The following ZNF69 variants were observed in gnomAD, a reference collection of about 807,000 sequenced individuals.
The protein encoded by ZNF69 is ZNF3.
ZNF69 carries 47 observed loss-of-function variants against 50.9 expected under a neutral mutation model. The observed-to-expected ratio is 0.92, with a 90% confidence interval of 0.73 to 1.18. The LOEUF is 1.18. ZNF69 is among the 50% of genes most tolerant of loss of function. ZNF69 has a pLI of 0.00. For missense variants in ZNF69, 717 were observed against 675.1 expected (o/e 1.06, Z -0.69); for synonymous variants, 216 against 223.1 (o/e 0.97, Z 0.29).
chr19:11,921,537 CTG>C, the ZNF69 span, among the ~76,000 whole-genome samples: 5 of 152,044 alleles, frequency 3.3e-5, no homozygotes, highest in Non-Finnish European at 7.4e-5. Context: ...GAGTCTCACT[CTG>C]TCATCCAGGC....
At chr19:11,948,593 G>T in the ZNF69 span, 1 of 1,608,192 alleles carries the variant, frequency 6.2e-7, no homozygotes. Flanking sequence ...GATCACACTG[G>T]AGAGAAACCC....
Position 11,906,074 on chromosome 19 carries a change from T to A in ZNF69, c.1677T>A (p.Asp559Glu), listed in dbSNP as rs111673228. ...LRMHGRTHPE[D>E]KPYECKQ ...TGCATGGTAGGACTCACCCTGAAGA[T>A]AAACCCTATGAGTGTAAGCAATGAG... Residue 559 changes from aspartate (D) to glutamate (E), a missense_variant, in exon 4 of 4, where the codon GAT becomes GAA. Asp to Glu is a conservative substitution (Grantham distance 45). Transcript: ENST00000429654. 48 of 1,611,644 alleles carry A rather than the reference T, an allele frequency of 3.0e-5. No individual in the cohort carries two copies. Among genetic ancestry groups the A allele is most frequent in the Non-Finnish European group, 4.1e-5 (48 of 1,179,196 alleles).
chr19:11,948,817 C>T, the ZNF69 span: 1 of 1,608,302 alleles, frequency 6.2e-7, no homozygotes, highest in Non-Finnish European at 8.5e-7. Flanking sequence ...TTCTGCTACC[C>T]TTCAAATACA....
the ZNF69 span, among the ~76,000 whole-genome samples, chr19:11,929,295 T>C: frequency 1.8e-3 from 273 of 148,122 alleles, 37 homozygotes; most frequent in African/African-American, 6.8e-3. Context: ...TCCCAAGTAG[T>C]TGGGATTACA....
At chr19:11,963,074 TGA>T in the ZNF69 span, among the ~76,000 whole-genome samples, 6 of 134,428 alleles carry the variant, frequency 4.5e-5, no homozygotes, top group Non-Finnish European at 7.6e-5. Context: ...GGTAGTTTGG[TGA>T]GAGAGAGAGA....
At chr19:11,931,722 A>G in the ZNF69 span, among the ~76,000 whole-genome samples, 1 of 148,666 alleles carries the variant, frequency 6.7e-6, no homozygotes, top group Admixed American at 6.6e-5. Flanking sequence ...GCATTTTTCC[A>G]TTTATTGCAT....
intron 1 of ZNF69, among the ~76,000 whole-genome samples, chr19:11,895,096 T>G (rs948074955): frequency 6.6e-6 from 1 of 152,234 alleles, no homozygotes. Context: ...CAGCCAGTAT[T>G]GCCCCTCTGT....
At chr19:11,957,981 A>G in the ZNF69 span, among the ~76,000 whole-genome samples, 1 of 152,216 alleles carries the variant, frequency 6.6e-6, no homozygotes, top group Non-Finnish European at 1.5e-5. Flanking sequence ...ATACTGGAAT[A>G]TCTAGTGGGT....
the ZNF69 span, among the ~76,000 whole-genome samples, chr19:11,946,579 C>T: frequency 6.6e-6 from 1 of 152,052 alleles, no homozygotes; most frequent in African/African-American, 2.4e-5. Context: ...GTCTGGATAC[C>T]CTGGCTTACA....
At chr19:11,952,242 G>A in the ZNF69 span, among the ~76,000 whole-genome samples, 2 of 152,118 alleles carry the variant, frequency 1.3e-5, no homozygotes, top group Admixed American at 1.3e-4. Context: ...ACCGGGTTTT[G>A]CCTTACTTAT....
At chr19:11,964,226 G>A in the ZNF69 span, among the ~76,000 whole-genome samples, 1 of 152,330 alleles carries the variant, frequency 6.6e-6, no homozygotes, top group Middle Eastern at 3.4e-3. Flanking sequence ...ATTCCGAGAA[G>A]CTGCAGAGCC....
the ZNF69 span, among the ~76,000 whole-genome samples, chr19:11,934,789 T>C: frequency 4.1e-5 from 6 of 148,012 alleles, 1 homozygote; most frequent in Non-Finnish European, 7.4e-5. Flanking sequence ...GGCTTCCCAA[T>C]GTGCTGGATT....
chr19:11,910,651 A>G (rs1972444428), downstream of ZNF69, among the ~76,000 whole-genome samples: 1 of 152,198 alleles, frequency 6.6e-6, no homozygotes, highest in South Asian at 2.1e-4. Flanking sequence ...CCTTCCTTAC[A>G]CCTTATACAA....
chr19:11,901,121 C>T (rs2145229701), intron 1 of ZNF69, among the ~76,000 whole-genome samples: 1 of 152,198 alleles, frequency 6.6e-6, no homozygotes, highest in East Asian at 1.9e-4. Flanking sequence ...CCTTATGTTG[C>T]CCAGGCTGGT....
the ZNF69 span, chr19:11,965,301 C>A: frequency 4.5e-6 from 7 of 1,567,102 alleles, no homozygotes; most frequent in Non-Finnish European, 6.1e-6. Context: ...GGCCTCCCTG[C>A]GGGCGACTCC....
chr19:11,978,191 T>A, the ZNF69 span: 22 of 1,614,070 alleles, frequency 1.4e-5, no homozygotes, highest in Non-Finnish European at 1.7e-6. Context: ...AGGTTCCAGA[T>A]GACAGGCTGA....
At chr19:11,895,317 G>C (rs1239275906) in intron 1 of ZNF69, among the ~76,000 whole-genome samples, 3 of 152,250 alleles carry the variant, frequency 2.0e-5, no homozygotes, top group African/African-American at 7.2e-5. Flanking sequence ...GCAACACAGA[G>C]TGGGGAGAAC....
At chr19:11,949,240 C>T in the ZNF69 span, 96 of 1,613,750 alleles carry the variant, frequency 5.9e-5, no homozygotes, top group African/African-American at 8.0e-5. Flanking sequence ...CAGTTCCTTT[C>T]GATATCATGA....
rs553623337 is a variant in ZNF69, at chr19:11,905,339, G to A, written c.942G>A (p.Thr314=). The A allele has an allele frequency of 9.3e-6, 15 of 1,613,928 alleles. No homozygotes were observed. In the African/African-American group the frequency reaches 1.2e-4, roughly 13 times the overall value. Reference sequence around the variant, plus strand: ...GTAAGGAATGTGGAAAAGCATTCACGTGTCCCCAGTATGTTCGTATACATG... The same window carrying A: ...GTAAGGAATGTGGAAAAGCATTCACATGTCCCCAGTATGTTCGTATACATG... ...YQCKECGKAF[T]CPQYVRIHER... is the part of the protein sequence containing the mutation. Residue 314 remains threonine (T), a synonymous_variant, in exon 4 of 4, where the codon ACG becomes ACA. Coordinates refer to ENST00000429654, the MANE Select transcript of ZNF69 (RefSeq NM_001364730.1).
Sources: allele counts gnomAD v4.1 joint callset (sites outside exome capture counted in the v4.1 genomes callset), GRCh38; gene constraint gnomAD v4.1.1; transcripts MANE v1.5; gene names NCBI Gene and HGNC (gene_info 2026-07-23, HGNC 2026-07-21).